STRADA: variants seen among roughly 807,000 people sequenced by gnomAD.
STRADA encodes STE20-related kinase adapter protein alpha.
Under a neutral mutation model 55.0 loss-of-function variants are expected in STRADA, and 26 were observed. The observed-to-expected ratio is 0.47, with a 90% CI of 0.35 to 0.66. The LOEUF (loss-of-function observed/expected upper bound fraction) is 0.66, where lower values mean the gene tolerates loss of function less well. Ranked by LOEUF, STRADA falls within the 30% of genes least tolerant of loss-of-function variation. The pLI is 0.01. For synonymous variants in STRADA, 197 were observed against 210.9 expected (o/e 0.93, Z 0.57); for missense variants, 443 against 549.7 (o/e 0.81, Z 1.94).
At chr17:63,707,789 G>T (rs2036209107) in intron 8 of STRADA, among the ~76,000 whole-genome samples, 1 of 150,954 alleles carries the variant, frequency 6.6e-6, no homozygotes, top group Admixed American at 6.6e-5. Context: ...GGAGTGTAGT[G>T]GCGCCATCTC....
In STRADA at chr17:63,710,827, G is replaced by A. The variant is rs1321703425; in HGVS notation, c.358C>T (p.His120Tyr). The change falls in exon 7 of 13, where the codon CAT (histidine) becomes TAT (tyrosine). Residue 120 changes from histidine to tyrosine, a missense_variant. Transcript: ENST00000336174. Reference protein sequence around the residue: ...EMVTFLQGELHVSKLFNHPNI... With the variant: ...EMVTFLQGELYVSKLFNHPNI... ...GGATGGTTGAAGAGTTTGGAGACAT[G>A]CAGCTCGCCCTGGAAGCAATGATGA... is the stretch of plus-strand genomic sequence containing the variant. 2.5e-6 allele frequency: 4 copies of A among 1,614,052 alleles called. No individual in the cohort carries two copies. The highest frequency in any genetic ancestry group is 3.4e-6 in the Non-Finnish European group (4 of 1,180,008).
chr17:63,706,438 T>A lies in STRADA; in HGVS notation c.858+197A>T, dbSNP rs1234459246. On this transcript the variant is annotated intron_variant, in intron 10 of 12. Transcript: ENST00000336174. ...CCGGGCTCCCCTCCCCAAGCTGGCC[T>A]CCCTTACCACCAGGTTTGCCACAGG... 3 of 545,178 alleles carry A rather than the reference T, an allele frequency of 5.5e-6. No individual in the cohort carries two copies. In the African/African-American group the frequency reaches 5.7e-5, roughly 10 times the overall value. 33.8% of individuals were successfully genotyped at this position (545,178 alleles called of 1,614,324 possible). A position where few individuals can be genotyped will look rare whatever the true frequency, so the allele number is the denominator to read the frequency against.
chr17:63,733,207 C>T (rs146697030), intron 1 of STRADA, among the ~76,000 whole-genome samples: 3 of 152,230 alleles, frequency 2.0e-5, no homozygotes, highest in Non-Finnish European at 4.4e-5. Context: ...AAGCTAGACA[C>T]ACTTTTGCAA....
At chr17:63,724,753 G>C (rs2037532641) in intron 3 of STRADA, among the ~76,000 whole-genome samples, 1 of 151,928 alleles carries the variant, frequency 6.6e-6, no homozygotes, top group East Asian at 1.9e-4. Flanking sequence ...ATTAATGATG[G>C]GAAGAAAATG....
intron 1 of STRADA, among the ~76,000 whole-genome samples, chr17:63,739,612 CTT>C (rs1372964351): frequency 6.6e-6 from 1 of 151,240 alleles, no homozygotes; most frequent in African/African-American, 2.4e-5. Flanking sequence ...TATATCCACA[CTT>C]ATCAAAAATT....
At chr17:63,719,914 C>T (rs1358743658) in intron 4 of STRADA, among the ~76,000 whole-genome samples, 3 of 152,182 alleles carry the variant, frequency 2.0e-5, no homozygotes, top group African/African-American at 7.2e-5. Flanking sequence ...ATTCATTAAA[C>T]TATCAATGTG....
intron 6 of STRADA, 22 bp from the exon 7 acceptor site, chr17:63,710,858 A>C: frequency 6.2e-7 from 1 of 1,609,358 alleles, no homozygotes; most frequent in Non-Finnish European, 8.5e-7. Flanking sequence ...GATGAAGCTG[A>C]AGTCAGAACC....
At chr17:63,716,311 G>A (rs1340419210) in intron 4 of STRADA, among the ~76,000 whole-genome samples, 1 of 151,974 alleles carries the variant, frequency 6.6e-6, no homozygotes, top group Admixed American at 6.6e-5. Context: ...TGCCCAGCTG[G>A]TCTTGAACTC....
intron 9 of STRADA, among the ~76,000 whole-genome samples, 181 bp downstream of exon 9, chr17:63,707,066 C>T (rs2036139408): frequency 6.6e-6 from 1 of 152,162 alleles, no homozygotes; most frequent in Admixed American, 6.5e-5. Flanking sequence ...GGTTAGGACC[C>T]CCTGGGAGGA....
intron 3 of STRADA, among the ~76,000 whole-genome samples, chr17:63,724,559 C>T (rs773597328): frequency 3.6e-4 from 55 of 151,872 alleles, no homozygotes; most frequent in East Asian, 1.9e-4. Context: ...TACAGGCGTG[C>T]GCCACCATGC....
At chr17:63,738,340 CAA>C (rs561180973) in intron 1 of STRADA, among the ~76,000 whole-genome samples, 128 of 76,762 alleles carry the variant, frequency 1.7e-3, no homozygotes, top group South Asian at 3.6e-3. Flanking sequence ...GACTCCGACT[CAA>C]AAAAAAAAAA....
At chr17:63,704,198 C>T (rs1190396459) in intron 11 of STRADA, 143 bp downstream of exon 11, 1 of 1,521,500 alleles carries the variant, frequency 6.6e-7, no homozygotes, top group African/African-American at 1.4e-5. Context: ...TGGCCTCTGA[C>T]ACACCCAGGA....
At chr17:63,719,728 C>T (rs905489647) in intron 4 of STRADA, among the ~76,000 whole-genome samples, 5 of 152,140 alleles carry the variant, frequency 3.3e-5, no homozygotes, top group African/African-American at 4.8e-5. Context: ...AGGTGATGCG[C>T]GCACCTCGGC....
intron 4 of STRADA, chr17:63,715,359 G>GT (rs2036793696): frequency 6.6e-6 from 1 of 152,178 alleles, no homozygotes; most frequent in Non-Finnish European, 1.5e-5. Flanking sequence ...AAATCAAAAC[G>GT]TGAGTACATG....
In STRADA at chr17:63,704,019, AGTG is replaced by A. The variant is rs1448196361; in HGVS notation, c.1126_1128del (p.His376del). The A allele has an allele frequency of 1.2e-6, 2 of 1,614,104 alleles. No homozygotes were observed. ...GGCTACGATACCTGCTTGAAGAAAG[AGTG>A]GTTCAGGAGGGTGCTGGCACTGGGC... On this transcript the variant is annotated inframe_deletion, in exon 12 of 13. Coordinates refer to ENST00000336174, the MANE Select transcript of STRADA (RefSeq NM_001003787.4).
chr17:63,703,549 TG>T lies in STRADA; in HGVS notation c.*49del. The T allele has an allele frequency of 6.4e-7, 1 of 1,560,016 alleles. No homozygotes were observed. Among genetic ancestry groups the T allele is most frequent in the Non-Finnish European group, 8.7e-7 (1 of 1,146,436 alleles). ...GTGGCCGGCCCTCAGGAAGGGCCTC[TG>T]GGTGGCCTCTGCATCCCTGGCTGGA... On this transcript the variant is annotated 3_prime_UTR_variant, in exon 13 of 13. Transcript: ENST00000336174.
intron 8 of STRADA, among the ~76,000 whole-genome samples, chr17:63,710,211 G>C (rs552291722): frequency 6.6e-6 from 1 of 151,878 alleles, no homozygotes; most frequent in African/African-American, 2.4e-5. Flanking sequence ...GCTAATTTTT[G>C]TATTTTTAGT....
At chr17:63,740,779 A>G (rs2038885360) in intron 1 of STRADA, among the ~76,000 whole-genome samples, 1 of 152,178 alleles carries the variant, frequency 6.6e-6, no homozygotes. Flanking sequence ...TGGGGCCACA[A>G]CTATAAACAC....
chr17:63,739,794 C>T (rs150408810), intron 1 of STRADA, among the ~76,000 whole-genome samples: 1 of 67,650 alleles, frequency 1.5e-5, no homozygotes, highest in Admixed American at 1.3e-4. Context: ...ATATAATGTA[C>T]ATAATTATAT....
Sources: allele counts gnomAD v4.1 joint callset (sites outside exome capture counted in the v4.1 genomes callset), GRCh38; gene constraint gnomAD v4.1.1; transcripts MANE v1.5; gene names NCBI Gene and HGNC (gene_info 2026-07-23, HGNC 2026-07-21).